DOCK4: variants seen among roughly 807,000 people sequenced by gnomAD.
The protein encoded by DOCK4 is dedicator of cytokinesis protein 4.
Under a neutral mutation model 268.1 loss-of-function variants are expected in DOCK4, and 97 were observed. The ratio of observed to expected loss-of-function variants is 0.36; its 90% CI spans 0.31 to 0.43. The LOEUF (loss-of-function observed/expected upper bound fraction) is 0.43. Among genes scored for constraint, DOCK4 ranks in the 20% least tolerant of loss-of-function variants. The pLI is 1.00. For synonymous variants in DOCK4, 954 were observed against 887.2 expected, an observed-to-expected ratio of 1.08 and a Z score of -1.34; for missense variants, 2,145 against 2,455.7, an observed-to-expected ratio of 0.87 and a Z score of 2.67.
At chr7:111,938,597 TA>T (rs566892963) in intron 11 of DOCK4, among the ~76,000 whole-genome samples, 1 of 152,062 alleles carries the variant, frequency 6.6e-6, no homozygotes, top group African/African-American at 2.4e-5. Context: ...CATGTGCATT[TA>T]AAAAAATCAT....
At chr7:112,039,526 G>A (rs373786045) in intron 1 of DOCK4, among the ~76,000 whole-genome samples, 7 of 151,764 alleles carry the variant, frequency 4.6e-5, no homozygotes, top group African/African-American at 1.2e-4. Context: ...AACTAACCTC[G>A]GAATGATGAA....
chr7:112,026,293 C>G (rs1276041975), intron 1 of DOCK4, among the ~76,000 whole-genome samples: 2 of 152,204 alleles, frequency 1.3e-5, no homozygotes, highest in Non-Finnish European at 2.9e-5. Context: ...GAGCGTGAAC[C>G]CTACTATGAA....
At chr7:111,729,077 A>C (rs1004231433) in intron 52 of DOCK4, among the ~76,000 whole-genome samples, 5 of 152,146 alleles carry the variant, frequency 3.3e-5, no homozygotes, top group African/African-American at 1.2e-4. Flanking sequence ...GAGAAAATAC[A>C]TTCCCAGTGT....
In DOCK4 at chr7:111,728,749, A is replaced by G. The variant is rs776165036; in HGVS notation, c.5482-29T>C. 5.7e-6 allele frequency: 9 copies of G among 1,575,080 alleles called. No homozygotes were observed. The African/African-American group carries it at 9.4e-5, about 17-fold the overall frequency. On this transcript the variant is annotated intron_variant, in intron 52 of 52. Transcript: ENST00000428084. ...CTCCGGGGAGAAGGAAACGAGAGGG[A>G]GACACAGCATTGAGTCGTGAACGCA...
chr7:112,086,378 T>C (rs1417114425), intron 1 of DOCK4, among the ~76,000 whole-genome samples: 1 of 152,148 alleles, frequency 6.6e-6, no homozygotes. Flanking sequence ...AGAATTATAG[T>C]TTCTATATTA....
At chr7:111,963,471 T>C (rs1031121580) in intron 8 of DOCK4, among the ~76,000 whole-genome samples, 1 of 104,204 alleles carries the variant, frequency 9.6e-6, no homozygotes, top group Admixed American at 9.5e-5. Context: ...ATCGGGTCAC[T>C]CCCACCCGAA....
chr7:111,793,154 T>C (rs958314750), intron 30 of DOCK4, among the ~76,000 whole-genome samples: 7 of 152,248 alleles, frequency 4.6e-5, no homozygotes, highest in Admixed American at 2.6e-4. Context: ...TCTGTCATGA[T>C]AAAACTTTCC....
chr7:112,091,781 T>C (rs1809655301), intron 1 of DOCK4, among the ~76,000 whole-genome samples: 1 of 152,116 alleles, frequency 6.6e-6, no homozygotes, highest in Non-Finnish European at 1.5e-5. Flanking sequence ...AGATTTGAAA[T>C]GAACGAGAAT....
chr7:111,747,561 T>G, intron 42 of DOCK4, 118 bp from the exon 43 acceptor site: 158 of 940,566 alleles, frequency 1.7e-4, no homozygotes, highest in Non-Finnish European at 2.1e-4. Context: ...TCAATATCTC[T>G]ACCAGGGGCC....
chr7:111,843,081 G>A (rs1275010935), intron 25 of DOCK4, among the ~76,000 whole-genome samples: 4 of 152,142 alleles, frequency 2.6e-5, no homozygotes, highest in Non-Finnish European at 5.9e-5. Flanking sequence ...TGTCCACACT[G>A]CAACGTCAGA....
intron 16 of DOCK4, among the ~76,000 whole-genome samples, chr7:111,888,359 A>G (rs569285160): frequency 6.6e-6 from 1 of 151,876 alleles, no homozygotes; most frequent in South Asian, 2.1e-4. Flanking sequence ...ACCTTAGATA[A>G]CAATGGGAAG....
At chr7:111,897,738 C>G (rs1808879187) in intron 15 of DOCK4, among the ~76,000 whole-genome samples, 3 of 152,174 alleles carry the variant, frequency 2.0e-5, no homozygotes, top group Non-Finnish European at 4.4e-5. Flanking sequence ...CCCAAGTTTC[C>G]AAACTGGACG....
intron 1 of DOCK4, among the ~76,000 whole-genome samples, chr7:112,195,240 C>T (rs1476296538): frequency 3.9e-5 from 6 of 152,182 alleles, no homozygotes; most frequent in Non-Finnish European, 7.3e-5. Context: ...AATTGTGCCA[C>T]TGCACTCCAG....
At chr7:111,891,224 G>T (rs1202699937) in intron 16 of DOCK4, among the ~76,000 whole-genome samples, 6 of 151,468 alleles carry the variant, frequency 4.0e-5, no homozygotes, top group Non-Finnish European at 7.4e-5. Context: ...AATAACACTT[G>T]TCCACTAACA....
At chr7:112,153,983 T>C (rs1816348524) in intron 1 of DOCK4, among the ~76,000 whole-genome samples, 2 of 152,126 alleles carry the variant, frequency 1.3e-5, no homozygotes, top group African/African-American at 4.8e-5. Flanking sequence ...ATTTTTGTTG[T>C]TGTTGTTAGA....
intron 23 of DOCK4, among the ~76,000 whole-genome samples, chr7:111,854,765 C>A (rs1259816714): frequency 6.6e-6 from 1 of 152,200 alleles, no homozygotes; most frequent in East Asian, 1.9e-4. Flanking sequence ...CTATTAAGCA[C>A]CTACTTTGCA....
chr7:112,018,162 A>AC (rs1801997134), intron 1 of DOCK4, among the ~76,000 whole-genome samples: 1 of 140,170 alleles, frequency 7.1e-6, no homozygotes, highest in African/African-American at 2.7e-5. Context: ...AAAAAAAAAA[A>AC]AAAAAAAAAA....
At chr7:112,026,593 T>C (rs750188191) in intron 1 of DOCK4, among the ~76,000 whole-genome samples, 63 of 152,314 alleles carry the variant, frequency 4.1e-4, no homozygotes, top group Middle Eastern at 6.8e-3. Flanking sequence ...TCCACAAAAT[T>C]TTAAAAGAGT....
In DOCK4 at chr7:111,844,905, G is replaced by GA. The variant is rs758401282; in HGVS notation, c.2602-9dup. The stretch of plus-strand genomic sequence containing the variant: ...CTCCAGCACAGATTTTTCCTTAAGA[G>GA]AAAAAAAATAATATGTTCAGGAAAC... On this transcript the variant is annotated splice_polypyrimidine_tract_variant and intron_variant, in intron 24 of 52. Transcript: ENST00000428084. 33 of 1,592,586 alleles carry GA rather than the reference G, an allele frequency of 2.1e-5. No individual in the cohort carries two copies. Among genetic ancestry groups the GA allele is most frequent in the Middle Eastern group, 1.7e-4 (1 of 5,864 alleles).
Sources: gnomAD v4.1 joint callset for allele counts (sites outside exome capture counted in the v4.1 genomes callset) on GRCh38, gnomAD v4.1.1 for gene constraint, MANE v1.5 for transcripts, NCBI Gene and HGNC (gene_info 2026-07-23, HGNC 2026-07-21) for gene names.